The following PAX5 variants were observed in gnomAD, a reference collection of about 807,000 sequenced individuals.
PAX5 encodes the protein paired box protein Pax-5.
PAX5 carries 9 observed loss-of-function variants against 43.7 expected under a neutral mutation model. The ratio of observed to expected loss-of-function variants is 0.21; its 90% CI spans 0.12 to 0.36. The LOEUF is 0.36. Ranked by LOEUF, PAX5 falls within the 10% of genes least tolerant of loss-of-function variation. The pLI, the probability that PAX5 is intolerant of heterozygous loss-of-function variation, is 1.00. For synonymous variants in PAX5, 228 were observed against 214.3 expected, an observed-to-expected ratio of 1.06 and a Z score of -0.56; for missense variants, 383 against 532.7, an observed-to-expected ratio of 0.72 and a Z score of 2.77.
At chr9:36,840,711 T>C in intron 9 of PAX5, 75 bp from the exon 10 acceptor site, 1 of 904,478 alleles carries the variant, frequency 1.1e-6, no homozygotes, top group Non-Finnish European at 1.7e-6. Context: ...CTTCTGTCCT[T>C]TCCTCCCCTC....
At chr9:36,930,229 T>C (rs1047596299) in intron 6 of PAX5, among the ~76,000 whole-genome samples, 28 of 144,680 alleles carry the variant, frequency 1.9e-4, no homozygotes, top group African/African-American at 7.0e-4. Context: ...TTTTTTTTTT[T>C]TTTTTTTTTT....
intron 6 of PAX5, among the ~76,000 whole-genome samples, chr9:36,932,583 A>T (rs1463626893): frequency 2.0e-5 from 3 of 152,214 alleles, no homozygotes; most frequent in Admixed American, 1.3e-4. Flanking sequence ...TCAGAGATTA[A>T]CTATAAACCA....
intron 5 of PAX5, among the ~76,000 whole-genome samples, chr9:36,982,797 G>A (rs143823398): frequency 1.3e-5 from 2 of 152,274 alleles, no homozygotes; most frequent in Non-Finnish European, 2.9e-5. Context: ...GTCAGGTTTT[G>A]CACACAATGG....
At position 36,877,436 on chromosome 9, in the gene PAX5, T is replaced by C. The variant is rs116209830; in HGVS notation, c.1012+4568A>G. Among the ~76,000 whole-genome samples, 747 of 152,274 alleles carry C rather than the reference T, an allele frequency of 4.9e-3. 4 individuals are homozygous for C. Among genetic ancestry groups the C allele is most frequent in the African/African-American group, 0.017 (708 of 41,560 alleles). On this transcript the variant is annotated intron_variant, in intron 8 of 9. Coordinates refer to ENST00000358127, the MANE Select transcript of PAX5 (RefSeq NM_016734.3). Reference sequence around the variant, plus strand: ...AAAAAACACCCCGAAGATTTTGGGATTCCCTCTAGATTGCACCACCAGCCC... The same window carrying C: ...AAAAAACACCCCGAAGATTTTGGGACTCCCTCTAGATTGCACCACCAGCCC...
At chr9:36,884,678 G>T (rs1415375049) in intron 7 of PAX5, among the ~76,000 whole-genome samples, 1 of 152,186 alleles carries the variant, frequency 6.6e-6, no homozygotes, top group Admixed American at 6.5e-5. Flanking sequence ...ATAAGCACTG[G>T]GGGGCAGGGG....
At chr9:36,952,378 T>A (rs1833086584) in intron 6 of PAX5, among the ~76,000 whole-genome samples, 1 of 151,702 alleles carries the variant, frequency 6.6e-6, no homozygotes, top group Admixed American at 6.6e-5. Flanking sequence ...TAGCTGGGAT[T>A]ACAGGCACAT....
chr9:37,028,105 CT>C (rs1378625509), intron 1 of PAX5, among the ~76,000 whole-genome samples: 2 of 152,112 alleles, frequency 1.3e-5, no homozygotes, highest in Non-Finnish European at 2.9e-5. Context: ...TGGGGGAAGT[CT>C]CCAAAAAAAC....
chr9:36,953,632 A>T (rs1833193363), intron 6 of PAX5, among the ~76,000 whole-genome samples: 1 of 152,142 alleles, frequency 6.6e-6, no homozygotes, highest in South Asian at 2.1e-4. Context: ...CAGCAAAGAA[A>T]GTCTTTATTT....
At chr9:36,910,869 G>T (rs998576540) in intron 7 of PAX5, among the ~76,000 whole-genome samples, 5 of 152,164 alleles carry the variant, frequency 3.3e-5, no homozygotes, top group Admixed American at 6.5e-5. Context: ...CTGATTTATG[G>T]GCTGAGCCTG....
intron 6 of PAX5, among the ~76,000 whole-genome samples, chr9:36,929,673 A>G (rs1252252525): frequency 1.3e-5 from 2 of 152,220 alleles, no homozygotes; most frequent in African/African-American, 4.8e-5. Context: ...TCAGCAATTC[A>G]CAGATTTCCC....
intron 5 of PAX5, among the ~76,000 whole-genome samples, chr9:36,968,178 T>G (rs1217131425): frequency 6.6e-6 from 1 of 152,170 alleles, no homozygotes; most frequent in South Asian, 2.1e-4. Flanking sequence ...CCAGCGTGGG[T>G]CTGCTCTCAT....
At chr9:36,898,814 C>T (rs1828110681) in intron 7 of PAX5, among the ~76,000 whole-genome samples, 1 of 152,110 alleles carries the variant, frequency 6.6e-6, no homozygotes, top group Non-Finnish European at 1.5e-5. Flanking sequence ...GAAGGCCTGG[C>T]CCGGACATCC....
chr9:36,939,825 G>A (rs1017555164), intron 6 of PAX5, among the ~76,000 whole-genome samples: 14 of 152,304 alleles, frequency 9.2e-5, no homozygotes, highest in Admixed American at 5.2e-4. Context: ...GAGAGAGAGA[G>A]TGAGAGAGCG....
intron 5 of PAX5, among the ~76,000 whole-genome samples, chr9:36,968,189 G>C (rs980664917): frequency 1.3e-5 from 2 of 152,190 alleles, no homozygotes; most frequent in African/African-American, 4.8e-5. Context: ...CTGCTCTCAT[G>C]CTGAAAGGTG....
rs146635984 is a variant in PAX5, at chr9:36,862,384, C to T, written c.1013-15455G>A. On this transcript the variant is annotated intron_variant, in intron 8 of 9. Transcript: ENST00000358127. ...GCAATGAACTTCGCAGGCAGCAGTC[C>T]GGCCTTCCTATTTCAGAAGTCCCCA... Among the ~76,000 whole-genome samples the T allele has an allele frequency of 3.6e-3, 545 of 152,258 alleles. 3 individuals carry two copies. Among genetic ancestry groups the T allele is most frequent in the African/African-American group, 0.013 (523 of 41,554 alleles).
Position 37,002,628 on chromosome 9 carries a change from G to T in PAX5, c.604+20C>A. On this transcript the variant is annotated intron_variant, in intron 5 of 9. Coordinates refer to ENST00000358127, the MANE Select transcript of PAX5 (RefSeq NM_016734.3). The stretch of plus-strand genomic sequence containing the variant: ...CCCCGTGGAGCGCATCCCCGACGGG[G>T]CTGCGCGGGCCTCTCTTACCTTCGT... The T allele has an allele frequency of 6.2e-7, 1 of 1,604,892 alleles. No individual in the cohort carries two copies. The highest frequency in any genetic ancestry group is 8.5e-7 in the Non-Finnish European group (1 of 1,174,812).
In PAX5 at chr9:36,850,697, C is replaced by T. The variant is rs148803446; in HGVS notation, c.1013-3768G>A. On this transcript the variant is annotated intron_variant, in intron 8 of 9. Coordinates refer to ENST00000358127, the MANE Select transcript of PAX5 (RefSeq NM_016734.3). Reference sequence around the variant, plus strand: ...AGTTCTGGTAGGTGCCAGCTTACATCGGAGTGGCTGTCCCTCAGTGGGCAG... The same window carrying T: ...AGTTCTGGTAGGTGCCAGCTTACATTGGAGTGGCTGTCCCTCAGTGGGCAG... Among the ~76,000 whole-genome samples the T allele has an allele frequency of 1.0e-3, 152 of 152,280 alleles. 1 individual carries two copies. The East Asian group carries it at 0.024, about 24-fold the overall frequency.
At chr9:36,922,347 A>G (rs1830238336) in intron 7 of PAX5, among the ~76,000 whole-genome samples, 1 of 151,828 alleles carries the variant, frequency 6.6e-6, no homozygotes, top group Non-Finnish European at 1.5e-5. Context: ...GCTACCTCAA[A>G]CCAGACCCAT....
At chr9:37,013,123 C>T (rs567046224) in intron 3 of PAX5, among the ~76,000 whole-genome samples, 45 of 152,046 alleles carry the variant, frequency 3.0e-4, no homozygotes, top group African/African-American at 1.0e-3. Context: ...AGAGATTTCA[C>T]ATACAGAAAT....
Sources: allele counts gnomAD v4.1 joint callset (sites outside exome capture counted in the v4.1 genomes callset), GRCh38; gene constraint gnomAD v4.1.1; transcripts MANE v1.5; gene names NCBI Gene and HGNC (gene_info 2026-07-23, HGNC 2026-07-21).